Variants in STARD13 observed in about 807,000 individuals in gnomAD.
STARD13 encodes stAR-related lipid transfer protein 13.
In STARD13, 62 loss-of-function variants were observed where a neutral mutation model predicts 106.4. That is an observed-to-expected ratio of 0.58 (90% confidence interval 0.48 to 0.72). The LOEUF (loss-of-function observed/expected upper bound fraction) is 0.72, where lower values mean the gene tolerates loss of function less well. STARD13 is among the 30% of genes least tolerant of loss of function. The pLI, the probability that STARD13 is intolerant of heterozygous loss-of-function variation, is 0.00. For synonymous variants in STARD13, 565 were observed against 553.0 expected (o/e 1.02, Z -0.31); for missense variants, 1,387 against 1,424.0 (o/e 0.97, Z 0.42).
the STARD13 span, among the ~76,000 whole-genome samples, chr13:33,436,860 T>C: frequency 6.6e-6 from 1 of 152,094 alleles, no homozygotes; most frequent in Non-Finnish European, 1.5e-5. Flanking sequence ...CAGAGGAAAA[T>C]GTGAATCAGG....
chr13:33,319,168 ATAAACAAAATG>A (rs2138523305), intron 1 of STARD13, among the ~76,000 whole-genome samples: 1 of 152,374 alleles, frequency 6.6e-6, no homozygotes, highest in Non-Finnish European at 1.5e-5. Flanking sequence ...TGATAAACAG[ATAAACAAAATG>A]TAGAATATCC....
intron 1 of STARD13, among the ~76,000 whole-genome samples, chr13:33,274,905 C>T (rs897333947): frequency 2.0e-5 from 3 of 152,262 alleles, no homozygotes; most frequent in East Asian, 1.9e-4. Context: ...AAGAACCTCC[C>T]GGCCCTTCGG....
the STARD13 span, among the ~76,000 whole-genome samples, chr13:33,518,574 T>A: frequency 6.6e-6 from 1 of 152,086 alleles, no homozygotes; most frequent in Non-Finnish European, 1.5e-5. Context: ...CACCAATTTA[T>A]GGTCCTGCGG....
the STARD13 span, among the ~76,000 whole-genome samples, chr13:33,442,208 T>G: frequency 1.3e-5 from 2 of 152,242 alleles, no homozygotes; most frequent in East Asian, 3.8e-4. Context: ...CCATTTCAGC[T>G]GTTTAAAAAT....
At chr13:33,598,455 A>G in the STARD13 span, among the ~76,000 whole-genome samples, 2 of 152,166 alleles carry the variant, frequency 1.3e-5, no homozygotes, top group Non-Finnish European at 2.9e-5. Flanking sequence ...AATCTATCCT[A>G]TTAAGACTAT....
chr13:33,497,899 C>T, the STARD13 span, among the ~76,000 whole-genome samples: 1 of 152,160 alleles, frequency 6.6e-6, no homozygotes, highest in Non-Finnish European at 1.5e-5. Flanking sequence ...TGTGGTTCTA[C>T]TATGTTACTT....
chr13:33,123,866 C>T (rs1055684292), intron 7 of STARD13, among the ~76,000 whole-genome samples: 3 of 152,146 alleles, frequency 2.0e-5, no homozygotes, highest in African/African-American at 7.2e-5. Context: ...CCCTGAGACT[C>T]GGGGCAATGC....
the STARD13 span, among the ~76,000 whole-genome samples, chr13:33,445,192 G>A: frequency 4.6e-5 from 7 of 152,126 alleles, no homozygotes; most frequent in East Asian, 1.3e-3. Context: ...AAAACAAAGG[G>A]CCCATTTTTT....
At chr13:33,478,961 A>C in the STARD13 span, among the ~76,000 whole-genome samples, 45,491 of 152,056 alleles carry the variant, frequency 0.3, 7,681 homozygotes, top group Non-Finnish European at 0.39. Context: ...CAAATTGGGA[A>C]AGAATATTTG....
chr13:33,468,380 TC>T, the STARD13 span, among the ~76,000 whole-genome samples: 264 of 152,286 alleles, frequency 1.7e-3, no homozygotes, highest in Non-Finnish European at 2.6e-3. Flanking sequence ...CTTGAATGTG[TC>T]CCCCAAGGTT....
At chr13:33,649,693 G>T in the STARD13 span, among the ~76,000 whole-genome samples, 1 of 152,118 alleles carries the variant, frequency 6.6e-6, no homozygotes, top group Non-Finnish European at 1.5e-5. Flanking sequence ...CTAAAATAGA[G>T]ATGAGGGCTT....
chr13:33,554,149 T>C, the STARD13 span, among the ~76,000 whole-genome samples: 1 of 152,172 alleles, frequency 6.6e-6, no homozygotes, highest in Non-Finnish European at 1.5e-5. Context: ...ATAATTAAAA[T>C]AGTATAATAC....
intron 1 of STARD13, among the ~76,000 whole-genome samples, chr13:33,262,872 G>A (rs897289844): frequency 6.6e-6 from 1 of 152,134 alleles, no homozygotes; most frequent in Non-Finnish European, 1.5e-5. Flanking sequence ...CTTATTAGAT[G>A]GGTGTGGTGG....
the STARD13 span, among the ~76,000 whole-genome samples, chr13:33,400,923 G>A: frequency 3.9e-5 from 6 of 152,164 alleles, no homozygotes; most frequent in Non-Finnish European, 1.5e-5. Flanking sequence ...AGATTAACGT[G>A]GAATGTCAAA....
intron 3 of STARD13, among the ~76,000 whole-genome samples, chr13:33,153,713 G>C (rs759679959): frequency 6.6e-6 from 1 of 152,208 alleles, no homozygotes; most frequent in African/African-American, 2.4e-5. Context: ...GAAGTCTCTC[G>C]TGTTGATTTA....
At chr13:33,248,306 C>T (rs1318814964) in intron 1 of STARD13, among the ~76,000 whole-genome samples, 1 of 152,090 alleles carries the variant, frequency 6.6e-6, no homozygotes, top group East Asian at 1.9e-4. Flanking sequence ...CACTGCACTC[C>T]AGCCTGGGCG....
the STARD13 span, among the ~76,000 whole-genome samples, chr13:33,668,297 A>G: frequency 6.6e-6 from 1 of 152,360 alleles, no homozygotes; most frequent in South Asian, 2.1e-4. Flanking sequence ...TCTAGGAAAA[A>G]TCGAACTGCT....
the STARD13 span, among the ~76,000 whole-genome samples, chr13:33,441,812 G>A: frequency 3.3e-5 from 5 of 152,188 alleles, no homozygotes; most frequent in Middle Eastern, 3.4e-3. Flanking sequence ...TACTTGCCCC[G>A]GGAAAAAGCA....
the STARD13 span, among the ~76,000 whole-genome samples, chr13:33,627,407 G>T: frequency 1.5e-4 from 23 of 152,196 alleles, no homozygotes; most frequent in South Asian, 3.5e-3. Flanking sequence ...GGGAGGCTGA[G>T]GTGGGTGGAT....
Sources: gnomAD v4.1 joint callset for allele counts (sites outside exome capture counted in the v4.1 genomes callset) on GRCh38, gnomAD v4.1.1 for gene constraint, MANE v1.5 for transcripts, NCBI Gene and HGNC (gene_info 2026-07-23, HGNC 2026-07-21) for gene names.